Variants in NEDD4L observed in about 807,000 individuals in gnomAD.
The protein encoded by NEDD4L is NEDD4 like E3 ubiquitin protein ligase, also known as E3 ubiquitin-protein ligase NEDD4-like.
In NEDD4L, 54 loss-of-function variants were observed where a neutral mutation model predicts 148.9. That is an observed-to-expected ratio of 0.36 (90% CI 0.29 to 0.45). The LOEUF (loss-of-function observed/expected upper bound fraction) is 0.45. Among genes scored for constraint, NEDD4L ranks in the 20% least tolerant of loss-of-function variants. The probability of loss-of-function intolerance (pLI) is 1.00; values close to 1 mark genes in which losing one functional copy is unlikely to be tolerated. For synonymous variants in NEDD4L, 433 were observed against 440.7 expected (o/e 0.98, Z 0.22); for missense variants, 856 against 1,233.8 (o/e 0.69, Z 4.59).
At chr18:58,266,953 G>A (rs979395610) in intron 5 of NEDD4L, among the ~76,000 whole-genome samples, 1 of 152,036 alleles carries the variant, frequency 6.6e-6, no homozygotes, top group African/African-American at 2.4e-5. Context: ...AGATAGAAAT[G>A]TTTTAAGATT....
At chr18:58,149,553 T>G in intron 1 of NEDD4L, 1 of 1,548,020 alleles carries the variant, frequency 6.5e-7, no homozygotes, top group Non-Finnish European at 8.7e-7. Flanking sequence ...GTCTCGCATT[T>G]GAGCAGGTAA....
Position 58,390,639 on chromosome 18 carries a change from T to A in NEDD4L, c.2656-7T>A. 1 of 1,572,642 alleles carries A rather than the reference T, an allele frequency of 6.4e-7. No homozygotes were observed. On this transcript the variant is annotated splice_region_variant and splice_polypyrimidine_tract_variant and intron_variant, in intron 28 of 30. Transcript: ENST00000400345. The stretch of plus-strand genomic sequence containing the variant: ...GGGGTATAATGACCTTCTGCCTCTG[T>A]TCATAGGCTGTGCTACTCATGGACG...
At position 58,065,649 on chromosome 18, in the gene NEDD4L, A is replaced by C. The variant is rs138332960; in HGVS notation, c.48+20941A>C. On this transcript the variant is annotated intron_variant, in intron 1 of 30. Coordinates refer to ENST00000400345, the MANE Select transcript of NEDD4L (RefSeq NM_001144967.3). ...TAATCGGGTGCCTGTGGGTCAGTGC[A>C]TTTCTTGGTCATCCTTACTCTGTCA... 8.3e-4 allele frequency among the ~76,000 whole-genome samples: 127 copies of C among 152,274 alleles called. 1 individual carries two copies. The highest frequency in any genetic ancestry group is 3.0e-3 in the African/African-American group (123 of 41,546).
chr18:58,383,696 C>G (rs775338126), intron 25 of NEDD4L, among the ~76,000 whole-genome samples: 1 of 152,206 alleles, frequency 6.6e-6, no homozygotes, highest in Non-Finnish European at 1.5e-5. Flanking sequence ...AATATTTTGT[C>G]TCTCTCCCAA....
Position 58,163,063 on chromosome 18 carries a change from C to CA in NEDD4L, c.49-2717dup, listed in dbSNP as rs1383957710. ...TGGGTGATAGAGTAAGACTCTGTCTCAAAAAAAAGAAAAAAAAAAAAGAAA... is the reference window on the plus strand; with the variant it reads ...TGGGTGATAGAGTAAGACTCTGTCTCAAAAAAAAAGAAAAAAAAAAAAGAAA... On this transcript the variant is annotated intron_variant, in intron 1 of 30. Coordinates refer to ENST00000400345, the MANE Select transcript of NEDD4L (RefSeq NM_001144967.3). Among the ~76,000 whole-genome samples, 209 of 102,998 alleles carry CA rather than the reference C, an allele frequency of 2.0e-3. 2 individuals are homozygous for CA. The highest frequency in any genetic ancestry group is 7.5e-3 in the African/African-American group (180 of 23,912). 67.6% of individuals were successfully genotyped at this position (102,998 alleles called of 152,430 possible). A position where few individuals can be genotyped will look rare whatever the true frequency, so the allele number is the denominator to read the frequency against.
chr18:58,304,346 C>CA (rs147670637), intron 5 of NEDD4L, among the ~76,000 whole-genome samples: 7,309 of 64,198 alleles, frequency 0.11, 244 homozygotes, highest in Middle Eastern at 0.19. Context: ...CCTGTCTCTA[C>CA]AAAAAAAAAA....
At chr18:58,155,281 A>G (rs2035333214) in intron 1 of NEDD4L, among the ~76,000 whole-genome samples, 1 of 146,064 alleles carries the variant, frequency 6.8e-6, no homozygotes, top group African/African-American at 2.5e-5. Flanking sequence ...AAAAAAAAAA[A>G]GCGAGACAAT....
chr18:58,102,971 C>T (rs193124833), intron 1 of NEDD4L, among the ~76,000 whole-genome samples: 24 of 152,178 alleles, frequency 1.6e-4, no homozygotes, highest in Admixed American at 1.4e-3. Flanking sequence ...TTTGCATGCT[C>T]AAAACCAGCT....
chr18:58,189,492 T>C (rs1370663138), intron 2 of NEDD4L, among the ~76,000 whole-genome samples: 1 of 152,194 alleles, frequency 6.6e-6, no homozygotes, highest in Admixed American at 6.5e-5. Flanking sequence ...GTTGTGAGTT[T>C]TGGGCTCTCT....
At chr18:58,162,307 G>T (rs2036314554) in intron 1 of NEDD4L, among the ~76,000 whole-genome samples, 4 of 151,970 alleles carry the variant, frequency 2.6e-5, no homozygotes, top group Admixed American at 2.6e-4. Flanking sequence ...ACCCCATCAG[G>T]TCCCACGGTG....
At chr18:58,357,149 T>G in intron 18 of NEDD4L, 45 bp from the exon 19 acceptor site, 1 of 1,519,508 alleles carries the variant, frequency 6.6e-7, no homozygotes, top group Non-Finnish European at 9.0e-7. Context: ...AGAATAGATT[T>G]GAACTAATGT....
At chr18:58,140,928 C>T (rs115584289) in intron 1 of NEDD4L, among the ~76,000 whole-genome samples, 2,455 of 152,232 alleles carry the variant, frequency 0.016, 21 homozygotes, top group African/African-American at 0.022. Flanking sequence ...ATCACGTTGT[C>T]AATAATATGG....
chr18:58,118,599 TTTG>T (rs1021604499), intron 1 of NEDD4L, among the ~76,000 whole-genome samples: 1 of 152,138 alleles, frequency 6.6e-6, no homozygotes, highest in African/African-American at 2.4e-5. Flanking sequence ...TCTTTTTTGT[TTTG>T]TTGTTGTTTG....
At position 58,395,942 on chromosome 18, in the gene NEDD4L, G is replaced by C. The variant is rs1404397835; in HGVS notation, c.2826-225G>C. Reference sequence around the variant, plus strand: ...CCTCCGAGATCTGCATCTGACTATAGCAAAGGTTTCATGGACCATTTGAAA... The same window carrying C: ...CCTCCGAGATCTGCATCTGACTATACCAAAGGTTTCATGGACCATTTGAAA... On this transcript the variant is annotated intron_variant, in intron 30 of 30. Coordinates refer to ENST00000400345, the MANE Select transcript of NEDD4L (RefSeq NM_001144967.3). Among the ~76,000 whole-genome samples, 6 of 152,262 alleles carry C rather than the reference G, an allele frequency of 3.9e-5. No homozygotes were observed. The East Asian group carries it at 1.2e-3, about 29-fold the overall frequency.
intron 18 of NEDD4L, among the ~76,000 whole-genome samples, chr18:58,355,183 A>G (rs1048894766): frequency 6.6e-6 from 1 of 152,146 alleles, no homozygotes; most frequent in African/African-American, 2.4e-5. Context: ...GGGGGGTGAG[A>G]CAATTCCCAG....
intron 8 of NEDD4L, among the ~76,000 whole-genome samples, chr18:58,324,457 C>G (rs2059128989): frequency 6.6e-6 from 1 of 152,204 alleles, no homozygotes; most frequent in African/African-American, 2.4e-5. Flanking sequence ...GAGGAGGCTT[C>G]TCTCTCAAAG....
chr18:58,158,721 G>A (rs1407870412), intron 1 of NEDD4L, among the ~76,000 whole-genome samples: 5 of 152,182 alleles, frequency 3.3e-5, no homozygotes, highest in African/African-American at 4.8e-5. Context: ...ATGACGGTGA[G>A]TAGTCCGTTG....
At position 58,228,443 on chromosome 18, in the gene NEDD4L, G is replaced by A. The variant is rs1336795745; in HGVS notation, c.123-16984G>A. Among the ~76,000 whole-genome samples the A allele has an allele frequency of 2.6e-5, 4 of 152,212 alleles. No individual in the cohort carries two copies. The East Asian group carries it at 7.7e-4, about 29-fold the overall frequency. On this transcript the variant is annotated intron_variant, in intron 2 of 30. Coordinates refer to ENST00000400345, the MANE Select transcript of NEDD4L (RefSeq NM_001144967.3). ...TCATAGTCACTCCACTTGGTGACAT[G>A]TATAAGGCACATGGAATAGGGCCAG...
intron 2 of NEDD4L, among the ~76,000 whole-genome samples, chr18:58,169,376 C>T (rs988185738): frequency 2.0e-5 from 3 of 152,136 alleles, no homozygotes; most frequent in Non-Finnish European, 4.4e-5. Context: ...GTCATATAAT[C>T]TGTCATCTAA....
Sources: gnomAD v4.1 joint callset for allele counts (sites outside exome capture counted in the v4.1 genomes callset) on GRCh38, gnomAD v4.1.1 for gene constraint, MANE v1.5 for transcripts, NCBI Gene and HGNC (gene_info 2026-07-23, HGNC 2026-07-21) for gene names.